The following FMNL2 variants were observed in gnomAD, a reference collection of about 807,000 sequenced individuals.
FMNL2 encodes the protein formin-like protein 2.
Under a neutral mutation model 130.2 loss-of-function variants are expected in FMNL2, and 51 were observed. The observed-to-expected ratio is 0.39, with a 90% confidence interval of 0.31 to 0.49. The LOEUF (loss-of-function observed/expected upper bound fraction) is 0.49. FMNL2 is among the 20% of genes least tolerant of loss of function. The pLI is 0.85. For synonymous variants in FMNL2, 465 were observed against 467.1 expected (o/e 1.00, Z 0.06); for missense variants, 977 against 1,316.2 (o/e 0.74, Z 3.99).
intron 9 of FMNL2, among the ~76,000 whole-genome samples, chr2:152,590,875 C>T (rs1697393542): frequency 1.3e-5 from 2 of 150,966 alleles, no homozygotes; most frequent in Admixed American, 1.3e-4. Flanking sequence ...TGGGACAACT[C>T]CTTTGTGTGT....
chr2:152,367,923 A>G (rs1683652236), intron 1 of FMNL2, among the ~76,000 whole-genome samples: 3 of 152,074 alleles, frequency 2.0e-5, no homozygotes, highest in Admixed American at 2.0e-4. Flanking sequence ...GCCCTTTGTA[A>G]ATGTTGGCTT....
chr2:152,421,945 A>G (rs1163742764), intron 1 of FMNL2, among the ~76,000 whole-genome samples: 1 of 152,204 alleles, frequency 6.6e-6, no homozygotes, highest in Non-Finnish European at 1.5e-5. Context: ...TACGTTTATT[A>G]TCTCCAATCC....
At chr2:152,391,535 A>G (rs1685106781) in intron 1 of FMNL2, among the ~76,000 whole-genome samples, 1 of 152,056 alleles carries the variant, frequency 6.6e-6, no homozygotes, top group Non-Finnish European at 1.5e-5. Context: ...GCAGGAAGTC[A>G]TGTGATAGGA....
chr2:152,528,354 A>G (rs1239281395), intron 2 of FMNL2, among the ~76,000 whole-genome samples: 1 of 152,176 alleles, frequency 6.6e-6, no homozygotes, highest in East Asian at 1.9e-4. Flanking sequence ...GTGTTCTCTC[A>G]TAGACCTGGA....
chr2:152,618,379 A>G (rs1055159030), intron 13 of FMNL2, among the ~76,000 whole-genome samples: 9 of 152,204 alleles, frequency 5.9e-5, no homozygotes, highest in Non-Finnish European at 1.0e-4. Flanking sequence ...ACTCATGAGT[A>G]GATTATTCCA....
chr2:152,646,309 G>A (rs1003502971), intron 25 of FMNL2, among the ~76,000 whole-genome samples: 6 of 150,114 alleles, frequency 4.0e-5, no homozygotes, highest in African/African-American at 7.4e-5. Flanking sequence ...GAGCCTCAGT[G>A]ACAGAGACTG....
chr2:152,416,840 A>G (rs183253089), intron 1 of FMNL2, among the ~76,000 whole-genome samples: 1 of 152,362 alleles, frequency 6.6e-6, no homozygotes, highest in East Asian at 1.9e-4. Context: ...ATACAACAAC[A>G]TAACAAACTC....
chr2:152,444,105 AACTG>A (rs1688212356), intron 1 of FMNL2, among the ~76,000 whole-genome samples: 1 of 152,156 alleles, frequency 6.6e-6, no homozygotes, highest in Admixed American at 6.6e-5. Context: ...TCAGGACAGA[AACTG>A]ACTATTTAAG....
intron 9 of FMNL2, among the ~76,000 whole-genome samples, chr2:152,589,993 A>ATGTATATGTATATGTATATG (rs1332756674): frequency 3.5e-5 from 4 of 114,622 alleles, no homozygotes; most frequent in Non-Finnish European, 5.4e-5. Flanking sequence ...ATGTATATGT[A>ATGTATATGTATATGTATATG]TATGTATATA....
intron 1 of FMNL2, among the ~76,000 whole-genome samples, chr2:152,443,770 G>A (rs938790923): frequency 6.6e-6 from 1 of 152,134 alleles, no homozygotes; most frequent in African/African-American, 2.4e-5. Flanking sequence ...TTGAACCCGG[G>A]AGGCAGAGGA....
chr2:152,481,669 T>C (rs1452698701), intron 1 of FMNL2, among the ~76,000 whole-genome samples: 2 of 152,226 alleles, frequency 1.3e-5, no homozygotes, highest in East Asian at 3.8e-4. Context: ...TTATTGAAAC[T>C]AAGCAATTCA....
intron 2 of FMNL2, among the ~76,000 whole-genome samples, chr2:152,528,791 G>A (rs1693536302): frequency 6.6e-6 from 1 of 152,174 alleles, no homozygotes; most frequent in Non-Finnish European, 1.5e-5. Flanking sequence ...ACATAATCAG[G>A]TTGGATATTG....
chr2:152,538,717 A>T (rs1424303872), intron 2 of FMNL2, among the ~76,000 whole-genome samples: 1 of 152,210 alleles, frequency 6.6e-6, no homozygotes, highest in African/African-American at 2.4e-5. Flanking sequence ...ATGGAGGAAG[A>T]ATACAAAGCC....
intron 1 of FMNL2, among the ~76,000 whole-genome samples, chr2:152,355,357 A>C (rs1437153006): frequency 6.6e-6 from 1 of 152,236 alleles, no homozygotes; most frequent in Non-Finnish European, 1.5e-5. Context: ...TATTCCATTG[A>C]AAATAAGACC....
Position 152,640,856 on chromosome 2 carries a change from T to G in FMNL2, c.3111T>G (p.Val1037=). The part of the protein sequence containing the change: ...ELIAELRRRQ[V]KDNRHVYEGK... ...TTGCAGAATTAAGAAGACGACAAGT[T>G]AAAGATAACAGACATGTATATGAGG... is the stretch of plus-strand genomic sequence containing the variant. The change falls in exon 25 of 26, where the codon GTT becomes GTG. Residue 1037 remains valine (V), a synonymous_variant. Coordinates refer to ENST00000288670, the MANE Select transcript of FMNL2 (RefSeq NM_052905.4). 6.2e-7 allele frequency: 1 copy of G among 1,613,850 alleles called. No homozygotes were observed. Among genetic ancestry groups the G allele is most frequent in the Non-Finnish European group, 8.5e-7 (1 of 1,179,812 alleles).
At chr2:152,350,356 C>G (rs1183940822) in intron 1 of FMNL2, among the ~76,000 whole-genome samples, 1 of 152,188 alleles carries the variant, frequency 6.6e-6, no homozygotes, top group Non-Finnish European at 1.5e-5. Context: ...GCTCAGGAGT[C>G]TGTCCCCTCA....
At chr2:152,574,434 C>CAAAAAA (rs57776446) in intron 6 of FMNL2, among the ~76,000 whole-genome samples, 56 of 106,710 alleles carry the variant, frequency 5.2e-4, no homozygotes, top group Middle Eastern at 6.1e-3. Flanking sequence ...GACTCTGTCT[C>CAAAAAA]AAAAAAAAAA....
At chr2:152,454,211 C>T (rs551893870) in intron 1 of FMNL2, among the ~76,000 whole-genome samples, 4 of 151,992 alleles carry the variant, frequency 2.6e-5, no homozygotes, top group African/African-American at 7.3e-5. Flanking sequence ...TGGGAGGCAG[C>T]GGTTGAAGTG....
chr2:152,386,882 C>CA (rs1438548501), intron 1 of FMNL2, among the ~76,000 whole-genome samples: 1 of 152,152 alleles, frequency 6.6e-6, no homozygotes, highest in Non-Finnish European at 1.5e-5. Context: ...TTTATCTCAA[C>CA]AAAGGTAGAG....
Sources: gnomAD v4.1 joint callset for allele counts (sites outside exome capture counted in the v4.1 genomes callset) on GRCh38, gnomAD v4.1.1 for gene constraint, MANE v1.5 for transcripts, NCBI Gene and HGNC (gene_info 2026-07-23, HGNC 2026-07-21) for gene names.